TANGO2: variants seen among roughly 807,000 people sequenced by gnomAD.
TANGO2 encodes the protein transport and golgi organization 2 homolog.
In TANGO2, 26 loss-of-function variants were observed where a neutral mutation model predicts 39.1. That is an observed-to-expected ratio of 0.67 (90% confidence interval 0.49 to 0.92). TANGO2 has a LOEUF of 0.92. Ranked by LOEUF, TANGO2 falls within the 40% of genes least tolerant of loss-of-function variation. The pLI, the probability that TANGO2 is intolerant of heterozygous loss-of-function variation, is 0.00. For synonymous variants in TANGO2, 131 were observed against 144.5 expected (o/e 0.91, Z 0.67); for missense variants, 326 against 360.1 (o/e 0.91, Z 0.77).
intron 1 of TANGO2, among the ~76,000 whole-genome samples, chr22:20,023,295 CT>C (rs66496952): frequency 0.4 from 59,911 of 151,616 alleles, 12,361 homozygotes; most frequent in African/African-American, 0.52. Context: ...GAGTGCCCCC[CT>C]TTTTTTTTGT....
intron 3 of TANGO2, among the ~76,000 whole-genome samples, chr22:20,049,316 T>C (rs937665311): frequency 1.3e-4 from 20 of 152,238 alleles, no homozygotes; most frequent in African/African-American, 4.6e-4. Context: ...TCTATGTATC[T>C]GTCTTGATGC....
At chr22:20,050,716 AT>A (rs1484907897) in intron 3 of TANGO2, among the ~76,000 whole-genome samples, 1 of 148,730 alleles carries the variant, frequency 6.7e-6, no homozygotes, top group Non-Finnish European at 1.5e-5. Flanking sequence ...TATAAATGGT[AT>A]ATTTAAATGC....
intron 2 of TANGO2, 164 bp downstream of exon 2, chr22:20,037,018 G>A: frequency 1.3e-6 from 2 of 1,573,398 alleles, no homozygotes; most frequent in Non-Finnish European, 1.7e-6. Flanking sequence ...GTGGGATGCT[G>A]TCAGAATGCC....
Position 20,061,462 on chromosome 22 carries a change from G to T in TANGO2, c.452-68G>T, listed in dbSNP as rs781442961. On this transcript the variant is annotated intron_variant, in intron 6 of 8. Transcript: ENST00000327374. ...AGCTGTACCCCGTGTTAGGTGGGTG[G>T]CAGGTGGCAATTTGCCCTGACATGG... The T allele has an allele frequency of 2.7e-6, 4 of 1,502,514 alleles. No individual in the cohort carries two copies. The East Asian group carries it at 9.5e-5, about 36-fold the overall frequency. The allele number at this position is 1,502,514 out of a possible 1,614,324, so 93.1% of individuals were successfully genotyped here.
At chr22:20,055,032 T>G (rs1353153077) in intron 5 of TANGO2, 1 of 150,948 alleles carries the variant, frequency 6.6e-6, no homozygotes, top group East Asian at 1.9e-4. Context: ...CTACCAGGGG[T>G]GGGGAAGGTG....
chr22:20,029,570 C>G (rs548310888), intron 1 of TANGO2, among the ~76,000 whole-genome samples: 9 of 152,334 alleles, frequency 5.9e-5, no homozygotes, highest in Admixed American at 2.6e-4. Context: ...CCATTCATAT[C>G]TCATAGATCC....
At chr22:20,033,652 C>T (rs944872652) in intron 1 of TANGO2, among the ~76,000 whole-genome samples, 3 of 152,242 alleles carry the variant, frequency 2.0e-5, no homozygotes, top group Non-Finnish European at 4.4e-5. Context: ...TCTCCAGTGA[C>T]TGCAGCCAGG....
At chr22:20,061,217 C>T (rs1000577636) in intron 6 of TANGO2, 2 of 239,620 alleles carry the variant, frequency 8.3e-6, no homozygotes, top group Non-Finnish European at 1.6e-5. Flanking sequence ...TCCCTCTTGG[C>T]TGTCCCCTTT....
intron 3 of TANGO2, among the ~76,000 whole-genome samples, chr22:20,048,535 G>C (rs1015579919): frequency 1.3e-5 from 2 of 151,998 alleles, no homozygotes; most frequent in African/African-American, 4.8e-5. Flanking sequence ...TGGGCAATTT[G>C]GAAGTTTTGT....
chr22:20,035,400 C>T (rs897486658), intron 1 of TANGO2, among the ~76,000 whole-genome samples: 3 of 152,226 alleles, frequency 2.0e-5, no homozygotes, highest in African/African-American at 7.2e-5. Flanking sequence ...TCCCATGTCC[C>T]AGCTGTGAGC....
rs2047587493 is a variant in TANGO2 at position 20,057,496 on chromosome 22, C to T, written c.451+1483C>T. ...TGGGGCTTATCCTTCCGGCCACCCT[C>T]TGTGACCCTGGTCTTCCCCTCCCTA... On this transcript the variant is annotated intron_variant, in intron 6 of 8. Coordinates refer to ENST00000327374, the MANE Select transcript of TANGO2 (RefSeq NM_152906.7). This position sits in a 1 kb window ranked among gnomAD's most constrained non-coding sequence, Gnocchi z 4.1. 6.6e-6 allele frequency among the ~76,000 whole-genome samples: 1 copy of T among 152,234 alleles called. No homozygotes were observed. Among genetic ancestry groups the T allele is most frequent in the Non-Finnish European group, 1.5e-5 (1 of 68,048 alleles).
At chr22:20,054,638 A>AGGG (rs1338071343) in intron 5 of TANGO2, 1 of 152,288 alleles carries the variant, frequency 6.6e-6, no homozygotes, top group Non-Finnish European at 1.5e-5. Context: ...ACCTAGCCTG[A>AGGG]GGATACAGGC....
At chr22:20,029,028 G>A (rs774010597) in intron 1 of TANGO2, among the ~76,000 whole-genome samples, 21 of 152,252 alleles carry the variant, frequency 1.4e-4, no homozygotes, top group Non-Finnish European at 2.5e-4. Context: ...CACTGCTGCT[G>A]CTGCTCTCTG....
chr22:20,060,997 C>T (rs903535121), intron 6 of TANGO2, among the ~76,000 whole-genome samples: 11 of 152,144 alleles, frequency 7.2e-5, no homozygotes, highest in Admixed American at 2.0e-4. Flanking sequence ...CAGAGCCCCC[C>T]GGCTCTCCTA....
chr22:20,053,478 T>G lies in TANGO2; in HGVS notation c.307T>G (p.Leu103Val), dbSNP rs759328509. The G allele has an allele frequency of 1.4e-5, 22 of 1,614,000 alleles. No individual in the cohort carries two copies. The highest frequency in any genetic ancestry group is 1.9e-5 in the Non-Finnish European group (22 of 1,179,854). ...CTTTCTGACCACTGACGTGGACAGC[T>G]TGTCCTACCTGAAGAAGGTCTCTAT... ...THFLTTDVDS[L>V]SYLKKVSMEG... Residue 103 changes from leucine to valine, a missense_variant, in exon 5 of 9, where the codon TTG becomes GTG. Coordinates refer to ENST00000327374, the MANE Select transcript of TANGO2 (RefSeq NM_152906.7).
chr22:20,056,266 C>G lies in TANGO2; in HGVS notation c.451+253C>G, dbSNP rs1479609877. 4 of 667,524 alleles carry G rather than the reference C, an allele frequency of 6.0e-6. No individual in the cohort carries two copies. In the Admixed American group the frequency reaches 6.2e-5, roughly 10 times the overall value. The allele number at this position is 667,524 out of a possible 1,614,324, so 41.4% of individuals were successfully genotyped here. On this transcript the variant is annotated intron_variant, in intron 6 of 8. Transcript: ENST00000327374. ...CGCCCCTGTTCTGGGCTTCCCACCG[C>G]AGCCCTGCAGCCCAGCCGGCCACCC...
At chr22:20,063,487 C>T in intron 8 of TANGO2, 45 bp downstream of exon 8, 1 of 1,543,574 alleles carries the variant, frequency 6.5e-7, no homozygotes, top group South Asian at 1.1e-5. Context: ...CCATGTCCCA[C>T]CTCCCACGCT....
chr22:20,043,665 T>C (rs2044463921), intron 3 of TANGO2, among the ~76,000 whole-genome samples: 1 of 152,146 alleles, frequency 6.6e-6, no homozygotes, highest in Admixed American at 6.5e-5. Flanking sequence ...TGCGTCTGCA[T>C]GGGGGCCCCA....
chr22:20,047,315 G>A (rs1198848429), intron 3 of TANGO2, among the ~76,000 whole-genome samples: 2 of 147,916 alleles, frequency 1.4e-5, no homozygotes, highest in Non-Finnish European at 3.0e-5. Context: ...CTCACCACAA[G>A]CTCCGCCTCC....
Sources: allele counts gnomAD v4.1 joint callset (sites outside exome capture counted in the v4.1 genomes callset), GRCh38; gene constraint gnomAD v4.1.1; non-coding constraint Gnocchi (gnomAD v3.1); transcripts MANE v1.5; gene names NCBI Gene and HGNC (gene_info 2026-07-23, HGNC 2026-07-21).